The following NPC1 variants were observed in gnomAD, a reference collection of about 807,000 sequenced individuals.
The protein encoded by NPC1 is Niemann-Pick C1 protein.
In NPC1, 85 loss-of-function variants were observed where a neutral mutation model predicts 140.4. That is an observed-to-expected ratio of 0.61 (90% confidence interval 0.51 to 0.72). The LOEUF (loss-of-function observed/expected upper bound fraction) is 0.72, where lower values mean the gene tolerates loss of function less well. Among genes scored for constraint, NPC1 ranks in the 30% least tolerant of loss-of-function variants. The pLI, the probability that NPC1 is intolerant of heterozygous loss-of-function variation, is 0.00. For synonymous variants in NPC1, 656 were observed against 624.8 expected (o/e 1.05, Z -0.74); for missense variants, 1,504 against 1,623.8 (o/e 0.93, Z 1.27).
intron 8 of NPC1, 75 bp downstream of exon 8, chr18:23,556,168 G>T: frequency 7.8e-7 from 1 of 1,279,342 alleles, no homozygotes; most frequent in Middle Eastern, 1.8e-4. Context: ...TCCCCATCTA[G>T]CAGTAGTCAA....
chr18:23,537,722 C>T (rs961297187), intron 20 of NPC1, among the ~76,000 whole-genome samples: 2 of 152,224 alleles, frequency 1.3e-5, no homozygotes, highest in South Asian at 2.1e-4. Flanking sequence ...TTCAGAAAAA[C>T]TGAATCTACT....
chr18:23,521,204 A>C (rs1325769546), downstream of NPC1, among the ~76,000 whole-genome samples: 1 of 152,192 alleles, frequency 6.6e-6, no homozygotes, highest in Non-Finnish European at 1.5e-5. Context: ...ATAAGCTAAA[A>C]TTATGTTGTG....
At chr18:23,535,243 G>A (rs2058610119) in intron 22 of NPC1, among the ~76,000 whole-genome samples, 1 of 152,162 alleles carries the variant, frequency 6.6e-6, no homozygotes, top group Non-Finnish European at 1.5e-5. Context: ...TGCCTGTAAT[G>A]TGCCTATGCT....
chr18:23,586,277 G>A lies in NPC1; in HGVS notation c.57+10C>T. ...CCCACAGGGCGTCCCGGTGGCCGGC[G>A]ACCGCTCACCTGCGCTGGACACAGT... is the stretch of plus-strand genomic sequence containing the variant. On this transcript the variant is annotated intron_variant, in intron 1 of 24. Transcript: ENST00000269228. The A allele has an allele frequency of 6.5e-7, 1 of 1,532,098 alleles. No homozygotes were observed. Among genetic ancestry groups the A allele is most frequent in the Non-Finnish European group, 8.7e-7 (1 of 1,145,380 alleles). The allele number at this position is 1,532,098 out of a possible 1,614,324, so 94.9% of individuals were successfully genotyped here. A position where few individuals can be genotyped will look rare whatever the true frequency, so the allele number is the denominator to read the frequency against.
intron 1 of NPC1, among the ~76,000 whole-genome samples, chr18:23,583,446 G>A (rs1473994653): frequency 6.6e-6 from 1 of 152,140 alleles, no homozygotes; most frequent in Non-Finnish European, 1.5e-5. Flanking sequence ...AGGGGAACAG[G>A]ACAAGAATGT....
chr18:23,535,621 T>A lies in NPC1; in HGVS notation c.3325A>T (p.Ile1109Leu). The A allele has an allele frequency of 1.2e-6, 2 of 1,614,032 alleles. No individual in the cohort carries two copies. Among genetic ancestry groups the A allele is most frequent in the East Asian group, 4.5e-5 (2 of 44,884 alleles). ...AGGAGGACCATGGTCACCAGAAATATCGCGCCCAGGGACACACCGAGGTTG... is the reference window on the plus strand; with the variant it reads ...AGGAGGACCATGGTCACCAGAAATAACGCGCCCAGGGACACACCGAGGTTG... ...IFNLGVSLGA[I>L]FLVTMVLLGC... Residue 1109 changes from isoleucine (I) to leucine (L), a missense_variant, in exon 22 of 25, where the codon ATA becomes TTA. By Grantham distance (5) the Ile-to-Leu change is conservative. Transcript: ENST00000269228.
At chr18:23,512,679 G>A (rs574737242) in intron 3 of NPC1, among the ~76,000 whole-genome samples, 4 of 148,006 alleles carry the variant, frequency 2.7e-5, no homozygotes, top group South Asian at 4.2e-4. Context: ...CCATTCTTCT[G>A]CCTTGGCCTC....
intron 3 of NPC1, chr18:23,515,759 C>T (rs1408150316): frequency 6.9e-7 from 1 of 1,451,050 alleles, no homozygotes; most frequent in African/African-American, 1.4e-5. Context: ...TCTCGAACTC[C>T]TGACCTCAGG....
chr18:23,571,704 T>C (rs2059206738), intron 3 of NPC1, among the ~76,000 whole-genome samples: 1 of 150,500 alleles, frequency 6.6e-6, no homozygotes, highest in African/African-American at 2.4e-5. Context: ...CTAGACATGG[T>C]AGTGCATGCC....
In NPC1 at chr18:23,568,899, A is replaced by G. The variant is rs12970899; in HGVS notation, c.387T>C (p.Tyr129=). The stretch of plus-strand genomic sequence containing the variant: ...TCGTCTGGTTTGTAACAGGATCAAC[A>G]TAATCTTCAGTAGCTGTAACATTCA... ...QFLNVTATED[Y]VDPVTNQTKT... Residue 129 remains tyrosine, a synonymous_variant, in exon 4 of 25, where the codon TAT becomes TAC. Transcript: ENST00000269228. 247,809 of 1,613,482 alleles carry G rather than the reference A, an allele frequency of 0.15. 20,628 individuals carry two copies. The highest frequency in any genetic ancestry group is 0.25 in the Middle Eastern group (1,528 of 6,054).
Position 23,556,594 on chromosome 18 carries a change from G to T in NPC1, c.975C>A (p.Asp325Glu). Residue 325 changes from aspartate to glutamate, a missense_variant, in exon 8 of 25, where the codon GAC (aspartate) becomes GAA (glutamate). Physicochemically the swap from Asp to Glu is conservative, Grantham distance 45 (BLOSUM62 2). Coordinates refer to ENST00000269228, the MANE Select transcript of NPC1 (RefSeq NM_000271.5). ...ASDKGEASCC[D>E]PVSAAFEGCL... ...AGCCCTCAAATGCTGCGCTGACAGG[G>T]TCACAGCAGGACGCCTCTCCTGGAA... is the stretch of plus-strand genomic sequence containing the variant. 1 of 1,614,106 alleles carries T rather than the reference G, an allele frequency of 6.2e-7. No homozygotes were observed. The highest frequency in any genetic ancestry group is 8.5e-7 in the Non-Finnish European group (1 of 1,180,004).
At chr18:23,537,608 C>A (rs2058651137) in intron 20 of NPC1, among the ~76,000 whole-genome samples, 1 of 152,150 alleles carries the variant, frequency 6.6e-6, no homozygotes, top group African/African-American at 2.4e-5. Flanking sequence ...ATGGGTATAC[C>A]ACCACCTACT....
At chr18:23,520,825 C>T (rs575384072), downstream of NPC1, among the ~76,000 whole-genome samples, 10 of 152,276 alleles carry the variant, frequency 6.6e-5, no homozygotes, top group South Asian at 1.7e-3. Flanking sequence ...AAGTGATTCT[C>T]CTGCCTCAGC....
chr18:23,558,013 A>C (rs2058980028), intron 6 of NPC1, among the ~76,000 whole-genome samples: 1 of 152,214 alleles, frequency 6.6e-6, no homozygotes, highest in South Asian at 2.1e-4. Context: ...ACAGAATTAA[A>C]AGTCCATGAT....
chr18:23,569,466 G>A (rs113584895), intron 3 of NPC1, among the ~76,000 whole-genome samples: 15 of 152,046 alleles, frequency 9.9e-5, no homozygotes, highest in African/African-American at 3.1e-4. Context: ...AGGACTACAG[G>A]TGCACACCAC....
downstream of NPC1, chr18:23,527,983 G>A: frequency 8.6e-7 from 1 of 1,167,044 alleles, no homozygotes; most frequent in Non-Finnish European, 1.2e-6. Flanking sequence ...ATGCAAAATT[G>A]TTTCCTATAT....
chr18:23,531,002 ATTTTTTTTT>A (rs201056665), downstream of NPC1, among the ~76,000 whole-genome samples: 4 of 148,874 alleles, frequency 2.7e-5, no homozygotes, highest in East Asian at 2.0e-4. Flanking sequence ...GATCATTCTC[ATTTTTTTTT>A]TGAGACAGAG....
chr18:23,532,563 CAAGT>C (rs1377824681), intron 24 of NPC1, among the ~76,000 whole-genome samples: 1 of 152,168 alleles, frequency 6.6e-6, no homozygotes, highest in Admixed American at 6.5e-5. Flanking sequence ...CTCAGCCTAA[CAAGT>C]AGGTGGGACT....
rs890651251 is a variant in NPC1, at chr18:23,586,446, G to A, written c.-103C>T. On this transcript the variant is annotated 5_prime_UTR_variant, in exon 1 of 25. Coordinates refer to ENST00000269228, the MANE Select transcript of NPC1 (RefSeq NM_000271.5). ...GCTGTTTCAGCACCCCGCGCAGGAG[G>A]AGCGGAGGAGCAGGAGCAGGCGCTG... 1 of 1,502,430 alleles carries A rather than the reference G, an allele frequency of 6.7e-7. No individual in the cohort carries two copies. The highest frequency in any genetic ancestry group is 1.4e-5 in the African/African-American group (1 of 70,168). 93.1% of individuals were successfully genotyped at this position (1,502,430 alleles called of 1,614,324 possible).
Sources: allele counts gnomAD v4.1 joint callset (sites outside exome capture counted in the v4.1 genomes callset), GRCh38; gene constraint gnomAD v4.1.1; transcripts MANE v1.5; gene names NCBI Gene and HGNC (gene_info 2026-07-23, HGNC 2026-07-21).